The following PID1 variants were observed in gnomAD, a reference collection of about 807,000 sequenced individuals.
PID1 encodes the protein PTB-containing, cubilin and LRP1-interacting protein.
Under a neutral mutation model 19.1 loss-of-function variants are expected in PID1, and 10 were observed. The observed-to-expected ratio is 0.52, with a 90% confidence interval of 0.32 to 0.89. The LOEUF (loss-of-function observed/expected upper bound fraction) is 0.89. Among genes scored for constraint, PID1 ranks in the 40% least tolerant of loss-of-function variants. The probability of loss-of-function intolerance (pLI) is 0.03; values close to 1 mark genes in which losing one functional copy is unlikely to be tolerated. For missense variants in PID1, 248 were observed against 285.3 expected, an observed-to-expected ratio of 0.87 and a Z score of 0.94; for synonymous variants, 130 against 116.0, an observed-to-expected ratio of 1.12 and a Z score of -0.78.
intron 1 of PID1, among the ~76,000 whole-genome samples, chr2:229,185,106 T>C (rs1351617932): frequency 6.7e-6 from 1 of 148,950 alleles, no homozygotes; most frequent in Non-Finnish European, 1.5e-5. Context: ...ATATATCCTA[T>C]ATATATCCCA....
chr2:229,259,887 C>A (rs764515626), intron 1 of PID1, among the ~76,000 whole-genome samples: 1 of 152,070 alleles, frequency 6.6e-6, no homozygotes, highest in Non-Finnish European at 1.5e-5. Flanking sequence ...GAGGACACAG[C>A]GTGAAGGCAC....
chr2:229,245,189 T>C (rs1463954818), intron 1 of PID1: 1 of 152,108 alleles, frequency 6.6e-6, no homozygotes, highest in East Asian at 1.9e-4. Context: ...ACTAAGTCTC[T>C]TGCACTCCCT....
At chr2:229,152,493 C>G (rs758638432) in intron 2 of PID1, among the ~76,000 whole-genome samples, 11 of 152,122 alleles carry the variant, frequency 7.2e-5, no homozygotes, top group Admixed American at 1.3e-4. Context: ...TGTTTGCTAA[C>G]AAGCTGAAGC....
chr2:229,142,256 C>T (rs569614613), intron 2 of PID1, among the ~76,000 whole-genome samples: 1 of 152,222 alleles, frequency 6.6e-6, no homozygotes, highest in Admixed American at 6.6e-5. Context: ...ACTTAAGTGT[C>T]ACTGTCTTCA....
At chr2:229,120,220 T>C (rs1334279309) in intron 2 of PID1, among the ~76,000 whole-genome samples, 2 of 152,164 alleles carry the variant, frequency 1.3e-5, no homozygotes, top group Non-Finnish European at 2.9e-5. Flanking sequence ...AATCCACATA[T>C]AACTTTTGAT....
At chr2:229,211,455 TG>T (rs1250953317) in intron 1 of PID1, among the ~76,000 whole-genome samples, 1 of 152,152 alleles carries the variant, frequency 6.6e-6, no homozygotes, top group Non-Finnish European at 1.5e-5. Flanking sequence ...TGCATGCTTG[TG>T]GTTTTCTTAA....
At chr2:229,157,174 C>T (rs1175476187) in intron 1 of PID1, among the ~76,000 whole-genome samples, 2 of 152,096 alleles carry the variant, frequency 1.3e-5, no homozygotes, top group African/African-American at 4.8e-5. Flanking sequence ...GTTTAATGTC[C>T]CCATCTTGAA....
At chr2:229,051,269 G>A (rs935221771) in intron 2 of PID1, among the ~76,000 whole-genome samples, 106 of 152,224 alleles carry the variant, frequency 7.0e-4, no homozygotes, top group African/African-American at 2.4e-3. Context: ...GACTAAAACA[G>A]ATAAATATGC....
chr2:229,231,980 G>A (rs1434770986), intron 1 of PID1: 1 of 1,550,468 alleles, frequency 6.4e-7, no homozygotes, highest in South Asian at 1.2e-5. Flanking sequence ...TGATTGTCTT[G>A]TGAGAGCTGC....
intron 1 of PID1, chr2:229,231,825 T>C: frequency 1.3e-6 from 2 of 1,523,612 alleles, no homozygotes; most frequent in Non-Finnish European, 1.8e-6. Context: ...TACTTCCCAC[T>C]CCTCTTCTTT....
At chr2:229,093,587 T>C (rs1193404092) in intron 2 of PID1, among the ~76,000 whole-genome samples, 3 of 152,314 alleles carry the variant, frequency 2.0e-5, no homozygotes, top group East Asian at 1.9e-4. Flanking sequence ...TCCATGTATG[T>C]GTGCATCGGC....
intron 2 of PID1, among the ~76,000 whole-genome samples, chr2:229,064,185 T>C (rs1388320627): frequency 1.3e-5 from 2 of 152,022 alleles, no homozygotes; most frequent in Admixed American, 6.6e-5. Flanking sequence ...GGTGAATGGA[T>C]TGGGGAGATT....
At chr2:229,185,005 C>CAATATATAT (rs1691092111) in intron 1 of PID1, among the ~76,000 whole-genome samples, 3 of 141,790 alleles carry the variant, frequency 2.1e-5, no homozygotes, top group African/African-American at 7.8e-5. Context: ...CATATATATA[C>CAATATATAT]ACTATATATA....
In PID1 at chr2:229,105,213, AG is replaced by A. The variant is rs985769559; in HGVS notation, c.177+50604del. Among the ~76,000 whole-genome samples the A allele has an allele frequency of 3.3e-5, 5 of 152,354 alleles. No individual in the cohort carries two copies. The East Asian group carries it at 9.7e-4, about 29-fold the overall frequency. On this transcript the variant is annotated intron_variant, in intron 2 of 2. Coordinates refer to ENST00000392055, the MANE Select transcript of PID1 (RefSeq NM_001100818.2). ...TAATAGGAAGGAATTTCCATGAGCC[AG>A]GGAGATTGGGGGCACTTCCTTTATC...
At chr2:229,267,144 G>C (rs1398957402) in intron 1 of PID1, among the ~76,000 whole-genome samples, 3 of 152,206 alleles carry the variant, frequency 2.0e-5, no homozygotes, top group African/African-American at 7.2e-5. Flanking sequence ...ATAGTATTTA[G>C]CTGGAAACTT....
At chr2:229,195,661 T>C (rs544627590) in intron 1 of PID1, among the ~76,000 whole-genome samples, 1 of 152,010 alleles carries the variant, frequency 6.6e-6, no homozygotes, top group South Asian at 2.1e-4. Flanking sequence ...ACCTAGAACA[T>C]GGACAAGCAT....
At chr2:229,259,496 TACAC>T (rs1468021433) in intron 1 of PID1, among the ~76,000 whole-genome samples, 2 of 152,228 alleles carry the variant, frequency 1.3e-5, no homozygotes, top group Non-Finnish European at 2.9e-5. Context: ...TTTACACAGA[TACAC>T]ACAAAGGCAC....
chr2:229,219,307 C>G (rs1691914004), intron 1 of PID1, among the ~76,000 whole-genome samples: 1 of 152,106 alleles, frequency 6.6e-6, no homozygotes, highest in South Asian at 2.1e-4. Context: ...AGGAAACTTA[C>G]AATCATGGCA....
chr2:229,048,872 C>T (rs1035272808), intron 2 of PID1, among the ~76,000 whole-genome samples: 2 of 152,076 alleles, frequency 1.3e-5, no homozygotes, highest in Non-Finnish European at 2.9e-5. Flanking sequence ...ATAGAGGGTG[C>T]TGTGATTTTG....
Sources: allele counts gnomAD v4.1 joint callset (sites outside exome capture counted in the v4.1 genomes callset), GRCh38; gene constraint gnomAD v4.1.1; transcripts MANE v1.5; gene names NCBI Gene and HGNC (gene_info 2026-07-23, HGNC 2026-07-21).